CTNNA3: variants seen among roughly 807,000 people sequenced by gnomAD.
CTNNA3 encodes the protein catenin alpha 3, also known as catenin alpha-3.
A neutral mutation model predicts 95.7 loss-of-function variants in CTNNA3; 76 were observed. The ratio of observed to expected loss-of-function variants is 0.79; its 90% CI spans 0.66 to 0.96. The LOEUF (loss-of-function observed/expected upper bound fraction) is 0.96. CTNNA3 is among the 40% of genes least tolerant of loss of function. CTNNA3 has a pLI of 0.00. For missense variants in CTNNA3, 1,191 were observed against 1,089.8 expected (o/e 1.09, Z -1.31); for synonymous variants, 431 against 374.4 (o/e 1.15, Z -1.74).
chr10:66,323,606 C>A (rs1224979658), intron 12 of CTNNA3, among the ~76,000 whole-genome samples: 1 of 150,346 alleles, frequency 6.7e-6, no homozygotes, highest in Non-Finnish European at 1.5e-5. Context: ...GAGCCAAGAT[C>A]GTGCCACTGC....
chr10:67,549,054 T>A lies in CTNNA3; in HGVS notation c.293-9385A>T, dbSNP rs994760242. ...AATTATTAAAGCATAATTAAAGATG[T>A]ACAGAGGTTTTAGTAAGGACCTTTG... is the stretch of plus-strand genomic sequence containing the variant. On this transcript the variant is annotated intron_variant, in intron 3 of 17. Transcript: ENST00000433211. Among the ~76,000 whole-genome samples the A allele has an allele frequency of 3.3e-5, 5 of 152,170 alleles. No homozygotes were observed. The South Asian group carries it at 1.0e-3, about 32-fold the overall frequency.
intron 12 of CTNNA3, among the ~76,000 whole-genome samples, chr10:66,327,201 C>T (rs1343894920): frequency 6.6e-6 from 1 of 151,966 alleles, no homozygotes; most frequent in Non-Finnish European, 1.5e-5. Flanking sequence ...TGCAAAGTAA[C>T]AGTAAGAAAT....
chr10:67,503,276 G>A (rs1348072807), intron 5 of CTNNA3, among the ~76,000 whole-genome samples: 1 of 152,096 alleles, frequency 6.6e-6, no homozygotes, highest in Admixed American at 6.5e-5. Context: ...CCCTGCTTTG[G>A]CTCACCCTCT....
At chr10:66,816,630 A>G (rs756128097) in intron 7 of CTNNA3, among the ~76,000 whole-genome samples, 3 of 152,088 alleles carry the variant, frequency 2.0e-5, no homozygotes, top group Non-Finnish European at 2.9e-5. Context: ...TAAACAGAAG[A>G]GAAACAAGGA....
chr10:67,382,290 G>T (rs1322282666), intron 5 of CTNNA3, among the ~76,000 whole-genome samples: 1 of 151,910 alleles, frequency 6.6e-6, no homozygotes. Context: ...CCCTGCTAAG[G>T]CACAGCATTC....
intron 1 of CTNNA3, among the ~76,000 whole-genome samples, chr10:67,756,235 A>G (rs1841432559): frequency 6.6e-6 from 1 of 152,204 alleles, no homozygotes; most frequent in South Asian, 2.1e-4. Flanking sequence ...AGTTTAATAG[A>G]AGAACTAAGA....
chr10:66,304,584 T>C (rs1417658777), intron 12 of CTNNA3, among the ~76,000 whole-genome samples: 1 of 152,076 alleles, frequency 6.6e-6, no homozygotes, highest in Admixed American at 6.6e-5. Flanking sequence ...TATAATGGGG[T>C]AAAGCATCTG....
In CTNNA3 at chr10:67,590,079, T is replaced by G. The variant is rs139140778; in HGVS notation, c.292+16778A>C. 3.4e-3 allele frequency among the ~76,000 whole-genome samples: 519 copies of G among 152,246 alleles called. 5 individuals are homozygous for G. The highest frequency in any genetic ancestry group is 0.011 in the African/African-American group (478 of 41,570). Reference sequence around the variant, plus strand: ...ATTTTTCTCTATCTTAGAAAAAATATTCCTAAATGTTTATGAATACAAAAT... The same window carrying G: ...ATTTTTCTCTATCTTAGAAAAAATAGTCCTAAATGTTTATGAATACAAAAT... On this transcript the variant is annotated intron_variant, in intron 3 of 17. Transcript: ENST00000433211.
At chr10:66,294,670 G>A (rs926418651) in intron 12 of CTNNA3, among the ~76,000 whole-genome samples, 13 of 152,120 alleles carry the variant, frequency 8.5e-5, no homozygotes, top group Admixed American at 2.0e-4. Context: ...GAAACTTCAC[G>A]ATTTTATTGC....
At chr10:67,477,349 C>G (rs111957966) in intron 5 of CTNNA3, among the ~76,000 whole-genome samples, 1 of 152,048 alleles carries the variant, frequency 6.6e-6, no homozygotes, top group Non-Finnish European at 1.5e-5. Context: ...TTGCTCCCAC[C>G]CCACCCCCGG....
At chr10:66,050,789 C>T (rs933561817) in intron 15 of CTNNA3, among the ~76,000 whole-genome samples, 5 of 152,108 alleles carry the variant, frequency 3.3e-5, no homozygotes, top group Admixed American at 2.0e-4. Flanking sequence ...AATAGTTCTT[C>T]CTTTATGAAT....
intron 12 of CTNNA3, among the ~76,000 whole-genome samples, chr10:66,325,657 C>T (rs1335325528): frequency 6.6e-6 from 1 of 152,000 alleles, no homozygotes; most frequent in Non-Finnish European, 1.5e-5. Flanking sequence ...GCAAAGAGTG[C>T]AGCTCTAACC....
At chr10:66,233,265 AAGTTTAGC>A (rs1431009760) in intron 13 of CTNNA3, among the ~76,000 whole-genome samples, 10 of 151,950 alleles carry the variant, frequency 6.6e-5, no homozygotes, top group Non-Finnish European at 1.5e-4. Flanking sequence ...CATGACCTTA[AAGTTTAGC>A]AATTATATTT....
chr10:66,320,191 C>A (rs1589081422), intron 12 of CTNNA3, among the ~76,000 whole-genome samples: 2 of 152,102 alleles, frequency 1.3e-5, no homozygotes, highest in East Asian at 3.9e-4. Context: ...AATATTCTTT[C>A]TTTTGGTAAG....
chr10:67,078,035 T>A (rs1363793418), intron 7 of CTNNA3, among the ~76,000 whole-genome samples: 1 of 152,152 alleles, frequency 6.6e-6, no homozygotes, highest in Non-Finnish European at 1.5e-5. Context: ...GTAGGATACA[T>A]CCTAACTAGA....
chr10:66,647,691 T>TC (rs1204172041), intron 9 of CTNNA3, among the ~76,000 whole-genome samples: 1 of 150,978 alleles, frequency 6.6e-6, no homozygotes. Flanking sequence ...TTTTTTTTTT[T>TC]TGTATTTTTA....
intron 17 of CTNNA3, among the ~76,000 whole-genome samples, chr10:65,953,266 A>T (rs1589166666): frequency 6.6e-6 from 1 of 152,136 alleles, no homozygotes; most frequent in East Asian, 1.9e-4. Flanking sequence ...TCTTAGAGTT[A>T]TATTTTTTAT....
At chr10:66,901,031 C>T (rs1399319576) in intron 7 of CTNNA3, among the ~76,000 whole-genome samples, 1 of 152,048 alleles carries the variant, frequency 6.6e-6, no homozygotes, top group African/African-American at 2.4e-5. Context: ...CAGAGAACAC[C>T]ACAAAGATAC....
chr10:67,648,703 T>C (rs1166576217), intron 1 of CTNNA3: 2 of 1,279,940 alleles, frequency 1.6e-6, no homozygotes, highest in Admixed American at 4.6e-5. Context: ...TACATCAACA[T>C]ATAAAGTCAA....
Sources: gnomAD v4.1 joint callset for allele counts (sites outside exome capture counted in the v4.1 genomes callset) on GRCh38, gnomAD v4.1.1 for gene constraint, MANE v1.5 for transcripts, NCBI Gene and HGNC (gene_info 2026-07-23, HGNC 2026-07-21) for gene names.